Variants in MGMT observed in about 807,000 individuals in gnomAD.
MGMT encodes the protein methylated-DNA--protein-cysteine methyltransferase.
A neutral mutation model predicts 15.9 loss-of-function variants in MGMT; 14 were observed. The observed-to-expected ratio is 0.88, with a 90% CI of 0.58 to 1.37. The LOEUF is 1.37. MGMT is among the 40% of genes most tolerant of loss of function. MGMT has a pLI of 0.00. For synonymous variants in MGMT, 130 were observed against 118.2 expected (o/e 1.10, Z -0.65); for missense variants, 282 against 268.1 (o/e 1.05, Z -0.36).
intron 1 of MGMT, among the ~76,000 whole-genome samples, chr10:129,514,550 C>CT (rs1845717467): frequency 6.6e-6 from 1 of 152,264 alleles, no homozygotes; most frequent in South Asian, 2.1e-4. Context: ...TTCCTTCTTG[C>CT]TTTTTTGCAT....
At chr10:129,536,482 C>G in intron 2 of MGMT, 105 bp downstream of exon 2, 2 of 1,389,574 alleles carry the variant, frequency 1.4e-6, no homozygotes, top group Non-Finnish European at 1.9e-6. Context: ...AACGCATAGC[C>G]TTACCCCCAC....
chr10:129,487,261 G>A, intron 1 of MGMT, among the ~76,000 whole-genome samples: 1 of 152,154 alleles, frequency 6.6e-6, no homozygotes, highest in South Asian at 2.1e-4. Context: ...CATGATGGTT[G>A]CAGTGGTTCC....
chr10:129,575,272 A>G (rs1476935453), intron 2 of MGMT, among the ~76,000 whole-genome samples: 1 of 152,168 alleles, frequency 6.6e-6, no homozygotes, highest in African/African-American at 2.4e-5. Context: ...AAAATTGACC[A>G]CATAGTTGGA....
At chr10:129,476,142 T>G (rs544702869) in intron 1 of MGMT, among the ~76,000 whole-genome samples, 2 of 152,198 alleles carry the variant, frequency 1.3e-5, no homozygotes, top group South Asian at 4.2e-4. Flanking sequence ...TGAATTTTCT[T>G]TTTTTTTGGT....
intron 3 of MGMT, among the ~76,000 whole-genome samples, chr10:129,742,259 G>T (rs1028963992): frequency 6.6e-6 from 1 of 152,216 alleles, no homozygotes; most frequent in Non-Finnish European, 1.5e-5. Context: ...TTTCTTAAAA[G>T]TTATTGGGCC....
chr10:129,632,785 G>A (rs1175207877), intron 2 of MGMT, among the ~76,000 whole-genome samples: 4 of 150,354 alleles, frequency 2.7e-5, no homozygotes, highest in Middle Eastern at 3.4e-3. Context: ...GTGACTGGGT[G>A]TCTTTAAAAG....
At chr10:129,524,363 A>G (rs1051737963) in intron 1 of MGMT, among the ~76,000 whole-genome samples, 3 of 152,150 alleles carry the variant, frequency 2.0e-5, no homozygotes, top group Non-Finnish European at 2.9e-5. Context: ...CAGGACGCAC[A>G]GTGTTTAGCC....
intron 2 of MGMT, among the ~76,000 whole-genome samples, chr10:129,608,862 G>A (rs766676010): frequency 3.3e-5 from 5 of 152,216 alleles, no homozygotes; most frequent in African/African-American, 4.8e-5. Context: ...TTCATCTCCC[G>A]GGCTGAATGC....
intron 2 of MGMT, among the ~76,000 whole-genome samples, chr10:129,592,950 G>A (rs1022248556): frequency 3.9e-5 from 6 of 152,040 alleles, no homozygotes; most frequent in Non-Finnish European, 8.8e-5. Context: ...CTTGCATGAG[G>A]AAAAAAATAG....
intron 1 of MGMT, among the ~76,000 whole-genome samples, chr10:129,477,956 T>C (rs1711662): frequency 0.76 from 114,898 of 152,132 alleles, 43,662 homozygotes; most frequent in East Asian, 0.96. Flanking sequence ...ATGAGTGTAT[T>C]GCAGTAAAAA....
At chr10:129,583,558 A>C (rs1414606928) in intron 2 of MGMT, among the ~76,000 whole-genome samples, 1 of 152,184 alleles carries the variant, frequency 6.6e-6, no homozygotes, top group Non-Finnish European at 1.5e-5. Flanking sequence ...TTCTGGATAG[A>C]TTGCAGCCTA....
intron 2 of MGMT, among the ~76,000 whole-genome samples, chr10:129,595,902 A>T (rs983579094): frequency 6.6e-5 from 10 of 152,276 alleles, no homozygotes; most frequent in African/African-American, 2.4e-4. Flanking sequence ...AAAGCACCTA[A>T]CAAGTTTTCT....
chr10:129,510,663 T>C (rs1265474877), intron 1 of MGMT, among the ~76,000 whole-genome samples: 1 of 152,226 alleles, frequency 6.6e-6, no homozygotes, highest in East Asian at 1.9e-4. Flanking sequence ...AAATAAAAAT[T>C]CGTAAGAAAT....
At chr10:129,606,379 C>G (rs1394878988) in intron 2 of MGMT, among the ~76,000 whole-genome samples, 1 of 152,156 alleles carries the variant, frequency 6.6e-6, no homozygotes, top group Admixed American at 6.5e-5. Context: ...GGAGAAGACT[C>G]CCTGTCTTCG....
At chr10:129,592,395 T>A (rs1340136212) in intron 2 of MGMT, among the ~76,000 whole-genome samples, 1 of 152,240 alleles carries the variant, frequency 6.6e-6, no homozygotes. Context: ...AGTGTGAATT[T>A]CGGTAGTGTG....
rs570519953 is a variant in MGMT at position 129,521,771 on chromosome 10, A to G, written c.-12-14470A>G. ...CCCCAGGCCCAGGGCAAGTCCCACG[A>G]GGCCGAGGCTGCACCTTGCTGTCCA... is the stretch of plus-strand genomic sequence containing the variant. On this transcript the variant is annotated intron_variant, in intron 1 of 4. Coordinates refer to ENST00000651593, the MANE Select transcript of MGMT (RefSeq NM_002412.5). Among the ~76,000 whole-genome samples, 4 of 152,346 alleles carry G rather than the reference A, an allele frequency of 2.6e-5. No individual in the cohort carries two copies. The South Asian group carries it at 8.3e-4, about 32-fold the overall frequency.
intron 2 of MGMT, among the ~76,000 whole-genome samples, chr10:129,662,782 G>A (rs970349267): frequency 1.3e-5 from 2 of 151,946 alleles, no homozygotes; most frequent in African/African-American, 4.8e-5. Flanking sequence ...TGCCATCTTG[G>A]GATTAGACCA....
At chr10:129,628,697 T>C (rs1216349726) in intron 2 of MGMT, among the ~76,000 whole-genome samples, 1 of 152,218 alleles carries the variant, frequency 6.6e-6, no homozygotes, top group African/African-American at 2.4e-5. Flanking sequence ...CATCTGTAAC[T>C]GTGGGTGCCA....
intron 2 of MGMT, among the ~76,000 whole-genome samples, chr10:129,669,453 A>C (rs1156339368): frequency 6.6e-6 from 1 of 151,986 alleles, no homozygotes; most frequent in South Asian, 2.1e-4. Context: ...CTGTTTCATC[A>C]GTTTCCTATA....
Sources: allele counts gnomAD v4.1 joint callset (sites outside exome capture counted in the v4.1 genomes callset), GRCh38; gene constraint gnomAD v4.1.1; transcripts MANE v1.5; gene names NCBI Gene and HGNC (gene_info 2026-07-23, HGNC 2026-07-21).